The following RBFOX1 variants were observed in gnomAD, a reference collection of about 807,000 sequenced individuals.
RBFOX1 encodes the protein RNA binding fox-1 homolog 1.
A neutral mutation model predicts 57.7 loss-of-function variants in RBFOX1; 8 were observed. The ratio of observed to expected loss-of-function variants is 0.14; its 90% CI spans 0.08 to 0.25. The LOEUF is 0.25. Ranked by LOEUF, RBFOX1 falls within the 10% of genes least tolerant of loss-of-function variation. RBFOX1 has a pLI of 1.00. For missense variants in RBFOX1, 611 were observed against 548.5 expected (o/e 1.11, Z -1.14); for synonymous variants, 326 against 222.4 (o/e 1.47, Z -4.15).
intron 4 of RBFOX1, among the ~76,000 whole-genome samples, chr16:7,088,169 G>A (rs1474908174): frequency 6.6e-6 from 1 of 152,256 alleles, no homozygotes; most frequent in African/African-American, 2.4e-5. Flanking sequence ...ACGGTTTTCT[G>A]TTTTTTGAAA....
chr16:6,636,829 T>TATATATAATATATAATATATATA (rs2098439325), intron 2 of RBFOX1, among the ~76,000 whole-genome samples: 1 of 36,570 alleles, frequency 2.7e-5, no homozygotes, highest in African/African-American at 6.3e-5. Flanking sequence ...TAATATATGT[T>TATATATAATATATAATATATATA]ATATATAATA....
intron 3 of RBFOX1, among the ~76,000 whole-genome samples, chr16:6,805,535 A>ATGTACCCTCCTTTCTTCAAGGTTTTTCCC (rs1567325069): frequency 6.6e-6 from 1 of 152,044 alleles, no homozygotes; most frequent in African/African-American, 2.4e-5. Context: ...TGAGCCTAAA[A>ATGTACCCTCCTTTCTTCAAGGTTTTTCCC]TAAAAGTTAA....
chr16:5,392,176 T>A (rs2066429920), intron 1 of RBFOX1, among the ~76,000 whole-genome samples: 2 of 151,998 alleles, frequency 1.3e-5, no homozygotes, highest in African/African-American at 4.8e-5. Context: ...ACAAATTGGG[T>A]TCATTATGTA....
At chr16:6,298,775 G>T (rs2078441028) in intron 1 of RBFOX1, among the ~76,000 whole-genome samples, 1 of 152,164 alleles carries the variant, frequency 6.6e-6, no homozygotes, top group African/African-American at 2.4e-5. Context: ...ACAAATTATG[G>T]TGAGTTTACA....
chr16:6,642,839 A>C lies in RBFOX1; in HGVS notation c.-63-11764A>C, dbSNP rs183412526. On this transcript the variant is annotated intron_variant, in intron 2 of 15. Transcript: ENST00000550418. ...TGAAGATTCCTCCAAATGTTTATAA[A>C]GTCAGCAGCTCTGCCCTGCAACCTA... Among the ~76,000 whole-genome samples the C allele has an allele frequency of 1.4e-3, 215 of 152,264 alleles. 1 individual carries two copies. The highest frequency in any genetic ancestry group is 4.8e-3 in the African/African-American group (200 of 41,558).
At position 7,223,834 on chromosome 16, in the gene RBFOX1, T is replaced by G. The variant is rs893227253; in HGVS notation, c.27+171736T>G. 3.3e-5 allele frequency among the ~76,000 whole-genome samples: 5 copies of G among 152,074 alleles called. No homozygotes were observed. In the South Asian group the frequency reaches 1.0e-3, roughly 32 times the overall value. ...TCCTAAACCAAAAGAGCATTTTTTT[T>G]TTGGTAGAAATAGCCATTTATTAAA... On this transcript the variant is annotated intron_variant, in intron 4 of 15. Coordinates refer to ENST00000550418, the MANE Select transcript of RBFOX1 (RefSeq NM_018723.4).
chr16:6,334,748 G>C (rs559559181), intron 2 of RBFOX1, among the ~76,000 whole-genome samples: 7 of 152,142 alleles, frequency 4.6e-5, no homozygotes, highest in Non-Finnish European at 1.0e-4. Context: ...TTGGAACTCA[G>C]CCGGAAAGTG....
intron 2 of RBFOX1, among the ~76,000 whole-genome samples, chr16:6,495,284 A>G (rs1012136648): frequency 2.0e-5 from 3 of 151,950 alleles, no homozygotes; most frequent in African/African-American, 2.4e-5. Context: ...ATGCCTGGCT[A>G]ATTTTTGTAT....
chr16:7,317,509 G>A (rs111965465), intron 4 of RBFOX1, among the ~76,000 whole-genome samples: 3 of 152,048 alleles, frequency 2.0e-5, no homozygotes, highest in East Asian at 1.9e-4. Context: ...TCACCATCAC[G>A]AAGCAACTGG....
At chr16:6,958,485 G>C (rs1355551561) in intron 3 of RBFOX1, among the ~76,000 whole-genome samples, 1 of 152,084 alleles carries the variant, frequency 6.6e-6, no homozygotes, top group African/African-American at 2.4e-5. Context: ...CACAAAAGGC[G>C]TTCTGTGATA....
At chr16:7,243,861 G>A (rs2094174571) in intron 4 of RBFOX1, among the ~76,000 whole-genome samples, 2 of 151,964 alleles carry the variant, frequency 1.3e-5, no homozygotes, top group Admixed American at 6.6e-5. Context: ...CTTATTCTTT[G>A]TTCTTAATGA....
intron 3 of RBFOX1, among the ~76,000 whole-genome samples, chr16:6,994,564 A>C (rs1006862862): frequency 3.4e-4 from 51 of 152,186 alleles, no homozygotes; most frequent in African/African-American, 1.2e-3. Context: ...AACCTAGCTA[A>C]AATTTCATGT....
intron 3 of RBFOX1, among the ~76,000 whole-genome samples, chr16:5,622,852 G>T (rs371299694): frequency 3.9e-5 from 6 of 152,312 alleles, no homozygotes; most frequent in African/African-American, 1.4e-4. Context: ...CGATGGCTGC[G>T]TCTGAACCCA....
intron 2 of RBFOX1, among the ~76,000 whole-genome samples, chr16:5,475,929 C>T (rs1218254569): frequency 6.6e-6 from 1 of 152,220 alleles, no homozygotes; most frequent in African/African-American, 2.4e-5. Flanking sequence ...CCCTGGCCTC[C>T]AAAGTGTGGC....
intron 1 of RBFOX1, among the ~76,000 whole-genome samples, chr16:5,324,685 C>T (rs529481243): frequency 1.3e-5 from 2 of 152,264 alleles, no homozygotes; most frequent in South Asian, 4.1e-4. Flanking sequence ...AGGCCATTAT[C>T]CTTAGCAAAC....
intron 3 of RBFOX1, among the ~76,000 whole-genome samples, chr16:5,786,025 A>T (rs150282784): frequency 1.3e-5 from 2 of 151,954 alleles, no homozygotes; most frequent in Admixed American, 1.3e-4. Flanking sequence ...CTTTCCTTTC[A>T]TTAGGATCCT....
At chr16:6,090,970 T>A (rs1335319830) in intron 1 of RBFOX1, among the ~76,000 whole-genome samples, 1 of 152,244 alleles carries the variant, frequency 6.6e-6, no homozygotes, top group Non-Finnish European at 1.5e-5. Context: ...TGTGATATTT[T>A]GGTACATCCC....
intron 3 of RBFOX1, among the ~76,000 whole-genome samples, chr16:6,707,110 C>T (rs1248591575): frequency 6.6e-6 from 1 of 152,134 alleles, no homozygotes; most frequent in Non-Finnish European, 1.5e-5. Flanking sequence ...ACACATTTCT[C>T]CCCATATATA....
Position 5,497,622 on chromosome 16 carries a change from C to CAAAAAAAAAAAA in RBFOX1, c.258+30373_258+30384dup, listed in dbSNP as rs911723996. Among the ~76,000 whole-genome samples the CAAAAAAAAAAAA allele has an allele frequency of 9.2e-3, 492 of 53,344 alleles. 19 individuals are homozygous for CAAAAAAAAAAAA. The highest frequency in any genetic ancestry group is 0.052 in the African/African-American group (467 of 8,956). The allele number at this position is 53,344 out of a possible 152,430, so 35.0% of individuals were successfully genotyped here. A position where few individuals can be genotyped will look rare whatever the true frequency, so the allele number is the denominator to read the frequency against. On this transcript the variant is annotated intron_variant, in intron 2 of 2. Transcript: ENST00000585867. ...TGAAACCCTATCTCTACTAAAAATA[C>CAAAAAAAAAAAA]AAAAAAAAAAAAAAAAGCTGGGCAT... is the stretch of plus-strand genomic sequence containing the variant.
Sources: gnomAD v4.1 joint callset for allele counts (sites outside exome capture counted in the v4.1 genomes callset) on GRCh38, gnomAD v4.1.1 for gene constraint, MANE v1.5 for transcripts, NCBI Gene and HGNC (gene_info 2026-07-23, HGNC 2026-07-21) for gene names.